Variants in NEBL observed in about 807,000 individuals in gnomAD.
NEBL encodes nebulette.
A neutral mutation model predicts 140.2 loss-of-function variants in NEBL; 122 were observed. The observed-to-expected ratio is 0.87, with a 90% CI of 0.75 to 1.01. The LOEUF is 1.01. Among genes scored for constraint, NEBL ranks in the 50% least tolerant of loss-of-function variants. The pLI is 0.00. For synonymous variants in NEBL, 436 were observed against 398.9 expected (o/e 1.09, Z -1.11); for missense variants, 1,365 against 1,231.3 (o/e 1.11, Z -1.62).
At position 20,805,786 on chromosome 10, in the gene NEBL, G is replaced by C. The variant is rs1043411948; in HGVS notation, c.2761+2724C>G. ...GAGAACCGTTTGAACCTGGGAGGCA[G>C]AGGTTGCAGTGAGCCAAGATCACGT... On this transcript the variant is annotated intron_variant, in intron 26 of 27. Transcript: ENST00000377122. 2.0e-5 allele frequency among the ~76,000 whole-genome samples: 3 copies of C among 152,016 alleles called. No individual in the cohort carries two copies. The East Asian group carries it at 5.8e-4, about 29-fold the overall frequency.
intron 3 of NEBL, among the ~76,000 whole-genome samples, chr10:20,963,035 C>T (rs1488526587): frequency 6.6e-6 from 1 of 151,800 alleles, no homozygotes; most frequent in African/African-American, 2.4e-5. Flanking sequence ...CACACACACA[C>T]ACACACACAC....
chr10:21,288,855 T>TATATATATAA (rs1843104835), intron 1 of NEBL, among the ~76,000 whole-genome samples: 1 of 103,152 alleles, frequency 9.7e-6, no homozygotes, highest in African/African-American at 4.2e-5. Flanking sequence ...TATATAAAAA[T>TATATATATAA]TTTTTTTTTT....
intron 1 of NEBL, among the ~76,000 whole-genome samples, chr10:21,263,548 G>A (rs1226198556): frequency 6.6e-6 from 1 of 152,180 alleles, no homozygotes; most frequent in African/African-American, 2.4e-5. Flanking sequence ...TTACTTGTGT[G>A]TGCTCTCCTA....
chr10:21,222,579 T>C (rs1308970880), intron 3 of NEBL, among the ~76,000 whole-genome samples: 3 of 152,178 alleles, frequency 2.0e-5, no homozygotes, highest in African/African-American at 7.2e-5. Context: ...ACTATTTTCT[T>C]TGTGTTACTT....
intron 2 of NEBL, among the ~76,000 whole-genome samples, chr10:21,082,875 G>A (rs1480882939): frequency 6.9e-6 from 1 of 145,260 alleles, no homozygotes; most frequent in Non-Finnish European, 1.5e-5. Flanking sequence ...CAATTCTCTT[G>A]CCTCAGCCTC....
intron 3 of NEBL, among the ~76,000 whole-genome samples, chr10:20,994,104 A>G (rs771693429): frequency 6.6e-6 from 1 of 152,248 alleles, no homozygotes; most frequent in Non-Finnish European, 1.5e-5. Flanking sequence ...ATGCAAAGCG[A>G]TTCTTCCCAT....
chr10:21,093,955 A>G (rs2131971569), intron 2 of NEBL, among the ~76,000 whole-genome samples: 1 of 152,362 alleles, frequency 6.6e-6, no homozygotes, highest in Non-Finnish European at 1.5e-5. Flanking sequence ...TTTTTGTGAA[A>G]GACTATTTTC....
chr10:20,800,826 G>A (rs1248477828), intron 26 of NEBL, among the ~76,000 whole-genome samples: 1 of 151,778 alleles, frequency 6.6e-6, no homozygotes, highest in African/African-American at 2.4e-5. Flanking sequence ...TCTAAACAAC[G>A]CAATGCAGAC....
At chr10:21,270,708 C>A (rs1842851343) in intron 1 of NEBL, among the ~76,000 whole-genome samples, 1 of 152,082 alleles carries the variant, frequency 6.6e-6, no homozygotes, top group African/African-American at 2.4e-5. Flanking sequence ...CTTATCTCAC[C>A]CCAGCAGGTC....
chr10:21,025,620 G>A (rs1482244386), intron 2 of NEBL, among the ~76,000 whole-genome samples: 1 of 152,180 alleles, frequency 6.6e-6, no homozygotes, highest in African/African-American at 2.4e-5. Flanking sequence ...GAATGAGAAA[G>A]AACATGACTG....
intron 3 of NEBL, among the ~76,000 whole-genome samples, chr10:21,224,002 G>A (rs1842110393): frequency 6.6e-6 from 1 of 152,124 alleles, no homozygotes; most frequent in Admixed American, 6.6e-5. Flanking sequence ...CTTCGATAAT[G>A]TTTCTTTGCT....
intron 3 of NEBL, among the ~76,000 whole-genome samples, chr10:21,180,772 G>T (rs1841374156): frequency 6.6e-6 from 1 of 152,044 alleles, no homozygotes; most frequent in Non-Finnish European, 1.5e-5. Context: ...CAATGCCACT[G>T]CCTTAGCTAA....
chr10:21,272,391 C>T (rs181815443), intron 1 of NEBL, among the ~76,000 whole-genome samples: 6 of 152,160 alleles, frequency 3.9e-5, no homozygotes, highest in Non-Finnish European at 8.8e-5. Context: ...TAATACCAGC[C>T]TGGGCAAAAT....
intron 20 of NEBL, chr10:20,818,635 A>T: frequency 4.5e-6 from 1 of 222,374 alleles, no homozygotes; most frequent in Non-Finnish European, 7.6e-6. Context: ...ATTCTCCATT[A>T]ACTGCATTTT....
chr10:20,787,356 C>T (rs2697027), intron 26 of NEBL, 48 bp from the exon 27 acceptor site: 10 of 1,437,616 alleles, frequency 7.0e-6, no homozygotes, highest in Middle Eastern at 1.7e-4. Context: ...AAGTTAGCCT[C>T]GAAATACCCA....
intron 26 of NEBL, among the ~76,000 whole-genome samples, chr10:20,787,682 A>C (rs1349009506): frequency 6.6e-6 from 1 of 152,234 alleles, no homozygotes; most frequent in Non-Finnish European, 1.5e-5. Context: ...ATTTTAAAGG[A>C]ATTTAATGAT....
chr10:21,267,427 T>A (rs1015519359), intron 1 of NEBL, among the ~76,000 whole-genome samples: 1 of 152,240 alleles, frequency 6.6e-6, no homozygotes, highest in Non-Finnish European at 1.5e-5. Context: ...TGTTCTGATG[T>A]GTCTTATTTG....
At chr10:20,931,669 T>C (rs901633952) in intron 4 of NEBL, among the ~76,000 whole-genome samples, 2 of 152,104 alleles carry the variant, frequency 1.3e-5, no homozygotes, top group Non-Finnish European at 2.9e-5. Flanking sequence ...CTCCGGCCCA[T>C]GCAGGGCGCA....
intron 3 of NEBL, among the ~76,000 whole-genome samples, chr10:21,199,041 G>GCAA (rs1841693939): frequency 6.6e-6 from 1 of 150,930 alleles, no homozygotes; most frequent in Non-Finnish European, 1.5e-5. Context: ...ACTCCAGCCT[G>GCAA]CACAACAGGG....
Sources: allele counts gnomAD v4.1 joint callset (sites outside exome capture counted in the v4.1 genomes callset), GRCh38; gene constraint gnomAD v4.1.1; transcripts MANE v1.5; gene names NCBI Gene and HGNC (gene_info 2026-07-23, HGNC 2026-07-21).